The following LRRC49 variants were observed in gnomAD, a reference collection of about 807,000 sequenced individuals.
LRRC49 encodes the protein leucine-rich repeat-containing protein 49.
LRRC49 carries 50 observed loss-of-function variants against 83.3 expected under a neutral mutation model. That is an observed-to-expected ratio of 0.60 (90% CI 0.48 to 0.76). LRRC49 has a LOEUF of 0.76. LRRC49 is among the 30% of genes least tolerant of loss of function. LRRC49 has a pLI of 0.00. For synonymous variants in LRRC49, 286 were observed against 283.3 expected, an observed-to-expected ratio of 1.01 and a Z score of -0.10; for missense variants, 704 against 809.1, an observed-to-expected ratio of 0.87 and a Z score of 1.58.
At chr15:70,988,001 T>G (rs1288517039) in intron 11 of LRRC49, among the ~76,000 whole-genome samples, 1 of 152,012 alleles carries the variant, frequency 6.6e-6, no homozygotes, top group Admixed American at 6.6e-5. Flanking sequence ...GTCTGAGAGA[T>G]AGTTTGTTAT....
chr15:70,908,756 A>G (rs1029647601), intron 5 of LRRC49: 3 of 152,272 alleles, frequency 2.0e-5, no homozygotes, highest in African/African-American at 7.2e-5. Flanking sequence ...CATAATTCTA[A>G]CCTTATCATC....
chr15:70,963,140 A>T (rs1463210866), intron 8 of LRRC49, among the ~76,000 whole-genome samples: 1 of 151,814 alleles, frequency 6.6e-6, no homozygotes, highest in African/African-American at 2.4e-5. Flanking sequence ...GCCAGGCATG[A>T]TGGTACATAC....
chr15:70,936,126 G>T (rs2141157108), intron 7 of LRRC49, among the ~76,000 whole-genome samples: 1 of 152,014 alleles, frequency 6.6e-6, no homozygotes, highest in South Asian at 2.1e-4. Context: ...ATGTTTTTGG[G>T]GTGGTGTGCA....
chr15:70,867,803 C>A (rs1309871895), intron 1 of LRRC49, among the ~76,000 whole-genome samples: 1 of 152,178 alleles, frequency 6.6e-6, no homozygotes, highest in Admixed American at 6.5e-5. Flanking sequence ...TTCTCTACCA[C>A]ATCTACCACA....
At position 71,037,343 on chromosome 15, in the gene LRRC49, T is replaced by C. The variant is rs896056942; in HGVS notation, c.1857+11T>C. On this transcript the variant is annotated intron_variant, in intron 15 of 15. Coordinates refer to ENST00000260382, the MANE Select transcript of LRRC49 (RefSeq NM_017691.5). ...AATGAAAAGCTAGAGGTAAAACTAC[T>C]GTTAATCTTTGCGATCTAATGCCAG... The C allele has an allele frequency of 6.3e-7, 1 of 1,578,250 alleles. No individual in the cohort carries two copies. Among genetic ancestry groups the C allele is most frequent in the Non-Finnish European group, 8.6e-7 (1 of 1,164,246 alleles).
rs1488018022 is a variant in LRRC49 at position 71,050,660 on chromosome 15, A to G, written c.*1048A>G. 6.6e-6 allele frequency: 1 copy of G among 152,184 alleles called. No individual in the cohort carries two copies. The highest frequency in any genetic ancestry group is 2.4e-5 in the African/African-American group (1 of 41,440). 9.4% of individuals were successfully genotyped at this position (152,184 alleles called of 1,614,324 possible). ...CAGGACTAGAAGATGTACGACAGCA[A>G]AGACATGCAGAGACATGCAGAGACA... On this transcript the variant is annotated 3_prime_UTR_variant, in exon 16 of 16. Coordinates refer to ENST00000260382, the MANE Select transcript of LRRC49 (RefSeq NM_017691.5).
chr15:70,887,889 AC>A (rs1219353511), upstream of LRRC49, among the ~76,000 whole-genome samples: 8 of 152,210 alleles, frequency 5.3e-5, no homozygotes, highest in Admixed American at 5.2e-4. Context: ...TACAAGTTCA[AC>A]AAAAATTAAT....
intron 14 of LRRC49, among the ~76,000 whole-genome samples, chr15:71,029,418 C>T (rs551297181): frequency 6.6e-6 from 1 of 152,212 alleles, no homozygotes; most frequent in Admixed American, 6.5e-5. Flanking sequence ...TTTGCATTTG[C>T]TGAGGAGTGT....
chr15:70,924,378 CTA>C (rs1266657941), intron 7 of LRRC49, among the ~76,000 whole-genome samples: 2 of 151,570 alleles, frequency 1.3e-5, no homozygotes, highest in Non-Finnish European at 3.0e-5. Context: ...TATATTTTCC[CTA>C]TGTTTTTATT....
chr15:71,008,376 C>T lies in LRRC49; in HGVS notation c.1170-3C>T. ...ATTTAAAATTATACTTTGGGTTTTC[C>T]AGGCCTCTAGACTCAGGACTCAACA... On this transcript the variant is annotated splice_polypyrimidine_tract_variant and splice_region_variant and intron_variant, in intron 11 of 15. Coordinates refer to ENST00000260382, the MANE Select transcript of LRRC49 (RefSeq NM_017691.5). The T allele has an allele frequency of 6.3e-7, 1 of 1,588,628 alleles. No individual in the cohort carries two copies. The highest frequency in any genetic ancestry group is 8.6e-7 in the Non-Finnish European group (1 of 1,160,490).
intron 2 of LRRC49, chr15:70,894,648 A>C: frequency 7.8e-7 from 1 of 1,283,780 alleles, no homozygotes; most frequent in Non-Finnish European, 1.0e-6. Flanking sequence ...CAAGTTGGAA[A>C]CCTCTAACCA....
intron 11 of LRRC49, among the ~76,000 whole-genome samples, chr15:70,985,867 C>A (rs2037594226): frequency 1.4e-5 from 2 of 146,182 alleles, no homozygotes; most frequent in Non-Finnish European, 3.0e-5. Context: ...GTTTTCCCAG[C>A]ACCATTTATT....
chr15:70,914,492 T>C (rs772875989), intron 6 of LRRC49, among the ~76,000 whole-genome samples: 5 of 152,026 alleles, frequency 3.3e-5, no homozygotes, highest in Non-Finnish European at 5.9e-5. Context: ...GACAAAACAG[T>C]TGGGAGAAAC....
chr15:70,998,756 T>A (rs1027475830), intron 11 of LRRC49, among the ~76,000 whole-genome samples: 3 of 112,430 alleles, frequency 2.7e-5, no homozygotes, highest in Non-Finnish European at 3.8e-5. Flanking sequence ...CATTGTTTTT[T>A]CAAATATTCT....
At chr15:70,854,105 G>C in intron 1 of LRRC49, 1 of 1,251,728 alleles carries the variant, frequency 8.0e-7, no homozygotes, top group Non-Finnish European at 1.0e-6. Context: ...CGGGACTGCG[G>C]CGCCGCCGGG....
chr15:71,026,730 A>G (rs1221316263), intron 14 of LRRC49, among the ~76,000 whole-genome samples: 1 of 152,158 alleles, frequency 6.6e-6, no homozygotes, highest in Non-Finnish European at 1.5e-5. Flanking sequence ...TTGGCCACAT[A>G]AATGTCTTCT....
intron 9 of LRRC49, among the ~76,000 whole-genome samples, chr15:70,976,707 TA>T (rs1344438893): frequency 6.6e-6 from 1 of 152,162 alleles, no homozygotes; most frequent in Non-Finnish European, 1.5e-5. Context: ...CCAACTTATT[TA>T]TTTTTTTATT....
intron 15 of LRRC49, among the ~76,000 whole-genome samples, chr15:71,038,029 C>T (rs2039578552): frequency 6.6e-6 from 1 of 151,964 alleles, no homozygotes; most frequent in Non-Finnish European, 1.5e-5. Context: ...AACGTTGTGA[C>T]CCTTCAAGAG....
chr15:71,039,198 G>T (rs1180808274), intron 15 of LRRC49, among the ~76,000 whole-genome samples: 1 of 152,136 alleles, frequency 6.6e-6, no homozygotes, highest in African/African-American at 2.4e-5. Context: ...CTATAAGCAG[G>T]TCATTGTTGT....
Sources: allele counts gnomAD v4.1 joint callset (sites outside exome capture counted in the v4.1 genomes callset), GRCh38; gene constraint gnomAD v4.1.1; transcripts MANE v1.5; gene names NCBI Gene and HGNC (gene_info 2026-07-23, HGNC 2026-07-21).